Variants in LLGL2 observed in about 807,000 individuals in gnomAD.
LLGL2 encodes LLGL scribble cell polarity complex component 2, also known as LLGL2, scribble cell polarity complex component.
In LLGL2, 81 loss-of-function variants were observed where a neutral mutation model predicts 123.2. The observed-to-expected ratio is 0.66, with a 90% CI of 0.55 to 0.79. The LOEUF (loss-of-function observed/expected upper bound fraction) is 0.79. Ranked by LOEUF, LLGL2 falls within the 30% of genes least tolerant of loss-of-function variation. The pLI, the probability that LLGL2 is intolerant of heterozygous loss-of-function variation, is 0.00. For synonymous variants in LLGL2, 577 were observed against 594.1 expected (o/e 0.97, Z 0.42); for missense variants, 1,273 against 1,414.6 (o/e 0.90, Z 1.61).
In LLGL2 at chr17:75,551,927, G is replaced by A. The variant is rs144193988; in HGVS notation, c.76-4119G>A. Among the ~76,000 whole-genome samples, 318 of 152,278 alleles carry A rather than the reference G, an allele frequency of 2.1e-3. 3 individuals carry two copies. Among genetic ancestry groups the A allele is most frequent in the African/African-American group, 6.8e-3 (282 of 41,556 alleles). ...GGAGATCACTTGAAGTCAGGAGTTC[G>A]AGACCAGCCTGGCCAACATGGTGAA... On this transcript the variant is annotated intron_variant, in intron 2 of 25. Coordinates refer to ENST00000392550, the MANE Select transcript of LLGL2 (RefSeq NM_001031803.2).
At position 75,558,996 on chromosome 17, in the gene LLGL2, T is replaced by TCGGCACCCCGC. The variant is rs1170113272; in HGVS notation, c.372-255_372-254insGGCACCCCGCC. On this transcript the variant is annotated intron_variant, in intron 5 of 25. Transcript: ENST00000392550. The surrounding 1 kb of genome is among the most constrained non-coding windows in gnomAD (Gnocchi z 4.0). ...CTCCATCCGCACCCCGCCTCCTCCATCTGCACCCCGCCTCCTCCATCCGCA... is the reference window on the plus strand; with the variant it reads ...CTCCATCCGCACCCCGCCTCCTCCATCGGCACCCCGCCTGCACCCCGCCTCCTCCATCCGCA... 1 of 547,808 alleles carries TCGGCACCCCGC rather than the reference T, an allele frequency of 1.8e-6. No homozygotes were observed. Among genetic ancestry groups the TCGGCACCCCGC allele is most frequent in the Non-Finnish European group, 3.3e-6 (1 of 305,998 alleles). 33.9% of individuals were successfully genotyped at this position (547,808 alleles called of 1,614,324 possible).
At chr17:75,546,656 AGACAGGCGGAGGGCAGGTCCAG>A (rs1568033201) in intron 2 of LLGL2, among the ~76,000 whole-genome samples, 2 of 16,150 alleles carry the variant, frequency 1.2e-4, no homozygotes, top group Non-Finnish European at 4.4e-4. Context: ...CAGGTCCAGC[AGACAGGCGGAGGGCAGGTCCAG>A]CAGACAGGCG....
At position 75,564,404 on chromosome 17, in the gene LLGL2, C is replaced by G; in HGVS notation, c.933C>G (p.Asp311Glu). The G allele has an allele frequency of 6.2e-7, 1 of 1,613,234 alleles. No individual in the cohort carries two copies. The highest frequency in any genetic ancestry group is 8.5e-7 in the Non-Finnish European group (1 of 1,179,976). ...GCATGCCACGGGCCAGCTACGGGGA[C>G]CGCCACTGCATCTCAGTGATCCACG... Reference protein sequence around the residue: ...QGGMPRASYGDRHCISVIHDG... With the variant: ...QGGMPRASYGERHCISVIHDG... The change falls in exon 10 of 26, where the codon GAC becomes GAG. Residue 311 changes from aspartate (D) to glutamate (E), a missense_variant. Asp to Glu is a conservative substitution (Grantham distance 45). Transcript: ENST00000392550. The surrounding 1 kb of genome is among the most constrained non-coding windows in gnomAD (Gnocchi z 4.9).
At chr17:75,535,434 C>G (rs1181444470) in intron 1 of LLGL2, among the ~76,000 whole-genome samples, 2 of 152,228 alleles carry the variant, frequency 1.3e-5, no homozygotes, top group African/African-American at 2.4e-5. Flanking sequence ...TGGAGTCCTG[C>G]CGCTGGGTGT....
chr17:75,551,226 T>C (rs552513388), intron 2 of LLGL2, among the ~76,000 whole-genome samples: 1 of 152,244 alleles, frequency 6.6e-6, no homozygotes, highest in Admixed American at 6.5e-5. Flanking sequence ...GGTGATACTA[T>C]GGAACAATGC....
chr17:75,574,388 G>A, intron 23 of LLGL2, 65 bp from the exon 24 acceptor site: 1 of 1,543,590 alleles, frequency 6.5e-7, no homozygotes, highest in Non-Finnish European at 8.7e-7. Context: ...GAGAAAGGGG[G>A]TGGAAGGGCT....
upstream of LLGL2, chr17:75,525,643 G>C (rs2053530580): frequency 6.7e-6 from 1 of 150,264 alleles, no homozygotes; most frequent in Non-Finnish European, 1.5e-5. This position sits in a 1 kb window ranked among gnomAD's most constrained non-coding sequence, Gnocchi z 4.8. Flanking sequence ...GGGGCGCTGG[G>C]CCCCGGCAGG....
At chr17:75,543,583 GAT>G in intron 2 of LLGL2, 82 bp downstream of exon 2, 2 of 1,114,178 alleles carry the variant, frequency 1.8e-6, no homozygotes, top group Non-Finnish European at 2.6e-6. Context: ...CTCTTACCTG[GAT>G]TAAGGTATAG....
intron 25 of LLGL2, 73 bp from the exon 26 acceptor site, chr17:75,574,798 G>A (rs1598649019): frequency 1.2e-6 from 2 of 1,600,950 alleles, no homozygotes; most frequent in East Asian, 4.5e-5. Context: ...CACCATGTCT[G>A]GGCTCAGCGT....
At chr17:75,571,823 C>A in intron 18 of LLGL2, 40 bp downstream of exon 18, 1 of 1,603,714 alleles carries the variant, frequency 6.2e-7, no homozygotes, top group Non-Finnish European at 8.5e-7. Context: ...GCTCGGGCTG[C>A]CTGGGCTGGG....
At chr17:75,566,919 G>A (rs1164973004) in intron 10 of LLGL2, among the ~76,000 whole-genome samples, 1 of 152,206 alleles carries the variant, frequency 6.6e-6, no homozygotes, top group Non-Finnish European at 1.5e-5. Flanking sequence ...TGTCCATTTG[G>A]AGTCATCCAC....
Position 75,563,151 on chromosome 17 carries a change from C to T in LLGL2, c.666C>T (p.Arg222=), listed in dbSNP as rs1240394313. The change falls in exon 7 of 26, where the codon CGC becomes CGT. Residue 222 remains arginine (R), a synonymous_variant. Transcript: ENST00000392550. ...TCATCTGGGACCTACAGGGCAGCCG[C>T]GTGCTCTACCACTTCCTCAGCAGCC... ...LVVIWDLQGS[R]VLYHFLSSQQ... is the part of the protein sequence containing the mutation. 17 of 1,613,016 alleles carry T rather than the reference C, an allele frequency of 1.1e-5. No homozygotes were observed. The South Asian group carries it at 1.4e-4, about 14-fold the overall frequency.
Position 75,563,624 on chromosome 17 carries a change from C to T in LLGL2, c.827-128C>T, listed in dbSNP as rs76567711. ...TCACCCAGTTTCTTGGGGAACTTCT[C>T]GGAGCAAGATTCCCAAGCACAGGTC... On this transcript the variant is annotated intron_variant, in intron 8 of 25. Coordinates refer to ENST00000392550, the MANE Select transcript of LLGL2 (RefSeq NM_001031803.2). 1.2e-3 allele frequency: 1,821 copies of T among 1,473,010 alleles called. 17 individuals are homozygous for T. In the African/African-American group the frequency reaches 0.021, roughly 17 times the overall value. The allele number at this position is 1,473,010 out of a possible 1,614,324, so 91.2% of individuals were successfully genotyped here.
In LLGL2 at chr17:75,549,262, C is replaced by G. The variant is rs528715451; in HGVS notation, c.75+5761C>G. ...GGACCAAGGGAAGGAACCATGGGAC[C>G]TCGGGAGGGAGGAAGTGCTGCTGGA... is the stretch of plus-strand genomic sequence containing the variant. On this transcript the variant is annotated intron_variant, in intron 2 of 25. Coordinates refer to ENST00000392550, the MANE Select transcript of LLGL2 (RefSeq NM_001031803.2). The surrounding 1 kb of genome is among the most constrained non-coding windows in gnomAD (Gnocchi z 4.0). Among the ~76,000 whole-genome samples the G allele has an allele frequency of 1.8e-4, 28 of 152,280 alleles. No individual in the cohort carries two copies. The highest frequency in any genetic ancestry group is 6.5e-4 in the African/African-American group (27 of 41,546).
At position 75,573,959 on chromosome 17, in the gene LLGL2, G is replaced by A; in HGVS notation, c.2884G>A (p.Gly962Arg). 6.4e-7 allele frequency: 1 copy of A among 1,550,852 alleles called. No individual in the cohort carries two copies. ...CTGTCTCTTCCCCCACAGGAACTCAGGGACTCAGAGTGATGGCGAGGGTAA... is the reference window on the plus strand; with the variant it reads ...CTGTCTCTTCCCCCACAGGAACTCAAGGACTCAGAGTGATGGCGAGGGTAA... Reference protein sequence around the residue: ...KKAPSRARNSGTQSDGEEKQP... With the variant: ...KKAPSRARNSRTQSDGEEKQP... Residue 962 changes from glycine to arginine, a missense_variant, in exon 22 of 26, where the codon GGG becomes AGG. Coordinates refer to ENST00000392550, the MANE Select transcript of LLGL2 (RefSeq NM_001031803.2).
intron 2 of LLGL2, among the ~76,000 whole-genome samples, chr17:75,548,301 G>A (rs1352501350): frequency 2.4e-5 from 3 of 126,958 alleles, no homozygotes; most frequent in Non-Finnish European, 5.1e-5. Context: ...TTTTTGGACG[G>A]AGTTTAGCTC....
intron 2 of LLGL2, among the ~76,000 whole-genome samples, chr17:75,550,850 C>T (rs533338109): frequency 1.6e-4 from 25 of 151,812 alleles, no homozygotes; most frequent in Admixed American, 1.4e-3. Flanking sequence ...GCCAGAGGTG[C>T]CCATGGAGCC....
intron 1 of LLGL2, among the ~76,000 whole-genome samples, chr17:75,540,072 C>T (rs1042363883): frequency 1.3e-5 from 2 of 152,142 alleles, no homozygotes; most frequent in African/African-American, 4.8e-5. Flanking sequence ...GAGGAGCTGT[C>T]TCTGGAGGCC....
Position 75,559,825 on chromosome 17 carries a change from G to C in LLGL2, c.530+415G>C, listed in dbSNP as rs972984673. Among the ~76,000 whole-genome samples, 1 of 152,168 alleles carries C rather than the reference G, an allele frequency of 6.6e-6. No individual in the cohort carries two copies. The highest frequency in any genetic ancestry group is 1.5e-5 in the Non-Finnish European group (1 of 68,038). On this transcript the variant is annotated intron_variant, in intron 6 of 25. Transcript: ENST00000392550. This position sits in a 1 kb window ranked among gnomAD's most constrained non-coding sequence, Gnocchi z 4.6. ...TTGCTGAGGTTCCATTTGCTCGCAAGCTCCGTGGCTAAAAAGCCTTGACCG... is the reference window on the plus strand; with the variant it reads ...TTGCTGAGGTTCCATTTGCTCGCAACCTCCGTGGCTAAAAAGCCTTGACCG...
Sources: allele counts gnomAD v4.1 joint callset (sites outside exome capture counted in the v4.1 genomes callset), GRCh38; gene constraint gnomAD v4.1.1; non-coding constraint Gnocchi (gnomAD v3.1); transcripts MANE v1.5; gene names NCBI Gene and HGNC (gene_info 2026-07-23, HGNC 2026-07-21).